Variants in PDE3A observed in about 807,000 individuals in gnomAD.
The protein encoded by PDE3A is phosphodiesterase 3A, also known as cGMP-inhibited 3',5'-cyclic phosphodiesterase 3A.
Under a neutral mutation model 98.3 loss-of-function variants are expected in PDE3A, and 43 were observed. The observed-to-expected ratio is 0.44, with a 90% CI of 0.34 to 0.56. PDE3A has a LOEUF of 0.56. Ranked by LOEUF, PDE3A falls within the 20% of genes least tolerant of loss-of-function variation. PDE3A has a pLI of 0.01. For synonymous variants in PDE3A, 663 were observed against 567.9 expected (o/e 1.17, Z -2.38); for missense variants, 1,427 against 1,440.7 (o/e 0.99, Z 0.15).
intron 1 of PDE3A, chr12:20,371,330 C>T: frequency 1.0e-6 from 1 of 984,768 alleles, no homozygotes; most frequent in Non-Finnish European, 1.2e-6. Context: ...GTTCACCTCT[C>T]TATTTGAAGT....
chr12:20,574,777 C>T (rs1012820966), intron 2 of PDE3A, among the ~76,000 whole-genome samples: 1 of 152,038 alleles, frequency 6.6e-6, no homozygotes, highest in Non-Finnish European at 1.5e-5. Context: ...ATTTGTCTCA[C>T]TGTCCCTAAT....
chr12:20,570,524 T>G (rs73233959), intron 2 of PDE3A, among the ~76,000 whole-genome samples: 5,592 of 151,832 alleles, frequency 0.037, 314 homozygotes, highest in African/African-American at 0.13. Context: ...AGTCAGATTT[T>G]GCTTAAATAT....
chr12:20,487,672 AT>A (rs1449459790), intron 1 of PDE3A, among the ~76,000 whole-genome samples: 75 of 151,202 alleles, frequency 5.0e-4, no homozygotes, highest in African/African-American at 1.8e-3. Context: ...AAATAAATAA[AT>A]AAAAAAAGTG....
At chr12:20,386,059 TAA>T (rs1177300769) in intron 1 of PDE3A, among the ~76,000 whole-genome samples, 4 of 87,560 alleles carry the variant, frequency 4.6e-5, no homozygotes, top group African/African-American at 2.0e-4. Context: ...TAAATATATA[TAA>T]ATATATATAA....
At chr12:20,409,299 C>G (rs1338518882) in intron 1 of PDE3A, among the ~76,000 whole-genome samples, 1 of 152,080 alleles carries the variant, frequency 6.6e-6, no homozygotes, top group South Asian at 2.1e-4. Flanking sequence ...TTTTAAAATT[C>G]TATTTGAGCT....
At chr12:20,378,238 A>G (rs892723535) in intron 1 of PDE3A, among the ~76,000 whole-genome samples, 11 of 151,684 alleles carry the variant, frequency 7.3e-5, no homozygotes, top group African/African-American at 2.7e-4. Context: ...TGCAATTTCA[A>G]ACTGATTTCA....
chr12:20,512,588 A>G (rs1592004749), intron 1 of PDE3A, among the ~76,000 whole-genome samples: 2 of 152,102 alleles, frequency 1.3e-5, no homozygotes, highest in African/African-American at 4.8e-5. Flanking sequence ...CCTCCCAGAA[A>G]GGTTCTATGT....
At chr12:20,429,130 G>C (rs1944652869) in intron 1 of PDE3A, among the ~76,000 whole-genome samples, 1 of 152,112 alleles carries the variant, frequency 6.6e-6, no homozygotes, top group Admixed American at 6.5e-5. Flanking sequence ...AACTCTCAAA[G>C]TCTCTATACA....
chr12:20,656,175 C>G (rs754161765), intron 15 of PDE3A, among the ~76,000 whole-genome samples: 1 of 152,160 alleles, frequency 6.6e-6, no homozygotes, highest in Non-Finnish European at 1.5e-5. Flanking sequence ...TTAATATCCT[C>G]AAGGTTCTTA....
At chr12:20,663,872 A>C (rs982019416) in intron 15 of PDE3A, among the ~76,000 whole-genome samples, 2 of 151,910 alleles carry the variant, frequency 1.3e-5, no homozygotes, top group Non-Finnish European at 2.9e-5. Flanking sequence ...GTTTTGGGAG[A>C]GGTGAGGGGC....
At position 20,369,517 on chromosome 12, in the gene PDE3A, T is replaced by C; in HGVS notation, c.233T>C (p.Val78Ala). ...CTGTCCTTTCTGCTGGCGCTGCTGG[T>C]GAGGCTGGTCCGCGGGGAGGTCGGC... ...GSLSFLLALL[V>A]RLVRGEVGCD... The change falls in exon 1 of 16, where the codon GTG (valine) becomes GCG (alanine). Residue 78 changes from valine (V) to alanine (A), a missense_variant. By Grantham distance (64) the Val-to-Ala change is moderately conservative (BLOSUM62 0). Transcript: ENST00000359062. 6.4e-7 allele frequency: 1 copy of C among 1,561,068 alleles called. No homozygotes were observed. The highest frequency in any genetic ancestry group is 8.7e-7 in the Non-Finnish European group (1 of 1,152,528).
chr12:20,632,712 G>T, intron 6 of PDE3A, among the ~76,000 whole-genome samples: 1 of 151,784 alleles, frequency 6.6e-6, no homozygotes, highest in African/African-American at 2.4e-5. Context: ...TCTAGGGCCT[G>T]TTTCTCTCAA....
At chr12:20,440,041 G>T (rs1192781765) in intron 1 of PDE3A, among the ~76,000 whole-genome samples, 1 of 151,764 alleles carries the variant, frequency 6.6e-6, no homozygotes. Flanking sequence ...TTTTATTTGG[G>T]TACTGTATAA....
intron 1 of PDE3A, among the ~76,000 whole-genome samples, chr12:20,533,777 C>T (rs894342292): frequency 6.6e-5 from 10 of 152,008 alleles, no homozygotes; most frequent in Admixed American, 1.3e-4. Context: ...TGAGCCACCG[C>T]GCCCGGCCCC....
chr12:20,532,970 C>T (rs565523050), intron 1 of PDE3A, among the ~76,000 whole-genome samples: 2 of 152,266 alleles, frequency 1.3e-5, no homozygotes, highest in Admixed American at 6.5e-5. Flanking sequence ...GCCACCGCGC[C>T]CGGCCAGTTT....
At chr12:20,632,864 C>G (rs893408179) in intron 6 of PDE3A, among the ~76,000 whole-genome samples, 2 of 151,174 alleles carry the variant, frequency 1.3e-5, no homozygotes, top group African/African-American at 2.4e-5. Context: ...TACTATCATT[C>G]TATTTCAACC....
intron 2 of PDE3A, among the ~76,000 whole-genome samples, chr12:20,599,799 G>A (rs1049675350): frequency 6.6e-6 from 1 of 152,116 alleles, no homozygotes; most frequent in Non-Finnish European, 1.5e-5. Context: ...CAGTTTTCAT[G>A]AGACTTGTCT....
At chr12:20,643,114 C>G (rs750152026) in intron 10 of PDE3A, among the ~76,000 whole-genome samples, 2 of 151,850 alleles carry the variant, frequency 1.3e-5, no homozygotes, top group Non-Finnish European at 2.9e-5. Flanking sequence ...TATGCATGTG[C>G]GTCTATATGT....
chr12:20,528,124 T>C (rs916051274), intron 1 of PDE3A, among the ~76,000 whole-genome samples: 1 of 152,188 alleles, frequency 6.6e-6, no homozygotes, highest in Non-Finnish European at 1.5e-5. Context: ...TTGTTTCTTT[T>C]GGTGGTTGTC....
Sources: gnomAD v4.1 joint callset for allele counts (sites outside exome capture counted in the v4.1 genomes callset) on GRCh38, gnomAD v4.1.1 for gene constraint, MANE v1.5 for transcripts, NCBI Gene and HGNC (gene_info 2026-07-23, HGNC 2026-07-21) for gene names.